Variants in AAK1 observed in about 807,000 individuals in gnomAD.
AAK1 encodes AP2-associated protein kinase 1.
In AAK1, 37 loss-of-function variants were observed where a neutral mutation model predicts 116.0. The ratio of observed to expected loss-of-function variants is 0.32; its 90% CI spans 0.25 to 0.42. AAK1 has a LOEUF of 0.42. Among genes scored for constraint, AAK1 ranks in the 10% least tolerant of loss-of-function variants. The pLI is 1.00. For synonymous variants in AAK1, 458 were observed against 439.9 expected (o/e 1.04, Z -0.51); for missense variants, 919 against 1,170.6 (o/e 0.79, Z 3.14).
At chr2:69,585,287 C>G (rs892608433) in intron 2 of AAK1, among the ~76,000 whole-genome samples, 14 of 152,012 alleles carry the variant, frequency 9.2e-5, no homozygotes, top group Admixed American at 9.2e-4. Context: ...GTTTCAAATC[C>G]CTGGCTTCAA....
chr2:69,476,816 G>A (rs1026291792), intron 21 of AAK1, 64 bp downstream of exon 21: 1 of 1,131,916 alleles, frequency 8.8e-7, no homozygotes. Flanking sequence ...TGCAGATTAG[G>A]TGCATGACTA....
intron 2 of AAK1, among the ~76,000 whole-genome samples, chr2:69,621,057 A>G (rs924910523): frequency 6.6e-6 from 1 of 152,164 alleles, no homozygotes; most frequent in Non-Finnish European, 1.5e-5. Flanking sequence ...TTGTATATAC[A>G]CTCATAGTAC....
At chr2:69,558,973 G>A (rs2105089883) in intron 2 of AAK1, among the ~76,000 whole-genome samples, 1 of 152,158 alleles carries the variant, frequency 6.6e-6, no homozygotes, top group East Asian at 1.9e-4. Context: ...ACCATAAAGA[G>A]CCTTTATCAT....
At chr2:69,580,989 AATG>A (rs1028391524) in intron 2 of AAK1, among the ~76,000 whole-genome samples, 9 of 148,770 alleles carry the variant, frequency 6.0e-5, no homozygotes, top group Admixed American at 4.0e-4. Context: ...AATTAATAAA[AATG>A]ATCTTTTTTT....
intron 2 of AAK1, among the ~76,000 whole-genome samples, chr2:69,586,102 G>T (rs74475769): frequency 1.3e-5 from 2 of 152,062 alleles, no homozygotes; most frequent in Non-Finnish European, 2.9e-5. Context: ...GAGATGAACC[G>T]GAGGATTATG....
Position 69,505,689 on chromosome 2 carries a change from A to G in AAK1, c.2165-16T>C, listed in dbSNP as rs1442017601. On this transcript the variant is annotated splice_polypyrimidine_tract_variant and intron_variant, in intron 15 of 21. Transcript: ENST00000409085. Reference sequence around the variant, plus strand: ...GGATGTTTGCCTGGAGAGACAAAACACCACTCAGTTCATTCTAGCAGAATC... The same window carrying G: ...GGATGTTTGCCTGGAGAGACAAAACGCCACTCAGTTCATTCTAGCAGAATC... The G allele has an allele frequency of 6.2e-7, 1 of 1,601,064 alleles. No individual in the cohort carries two copies. The highest frequency in any genetic ancestry group is 8.6e-7 in the Non-Finnish European group (1 of 1,168,928).
At chr2:69,573,701 C>T (rs2105125616) in intron 2 of AAK1, among the ~76,000 whole-genome samples, 1 of 152,224 alleles carries the variant, frequency 6.6e-6, no homozygotes, top group South Asian at 2.1e-4. Context: ...AAAGTATGTA[C>T]AAAAATAGTT....
rs2105085307 is a variant in AAK1 at position 69,556,985 on chromosome 2, G to C, written c.164-7C>G. ...AATACAATAGCAAATCCACCTGTGA[G>C]AGAAACACACACAAGCTCTTTTGAG... On this transcript the variant is annotated splice_polypyrimidine_tract_variant and splice_region_variant and intron_variant, in intron 2 of 21. Transcript: ENST00000409085. 6.3e-7 allele frequency: 1 copy of C among 1,598,388 alleles called. No homozygotes were observed. The highest frequency in any genetic ancestry group is 2.2e-5 in the East Asian group (1 of 44,792).
Position 69,466,845 on chromosome 2 carries a change from G to A in AAK1, c.*9024C>T. 1.0e-6 allele frequency: 1 copy of A among 985,414 alleles called. No homozygotes were observed. The highest frequency in any genetic ancestry group is 1.2e-6 in the Non-Finnish European group (1 of 829,940). 61.0% of individuals were successfully genotyped at this position (985,414 alleles called of 1,614,324 possible). ...TGCAATGCTCCTACACACAGGGCCA[G>A]GCACGGACACCTGCTCTACCTGGCA... On this transcript the variant is annotated 3_prime_UTR_variant, in exon 22 of 22. Transcript: ENST00000409085.
intron 2 of AAK1, among the ~76,000 whole-genome samples, chr2:69,596,716 C>T (rs1673307712): frequency 6.6e-6 from 1 of 152,206 alleles, no homozygotes; most frequent in Non-Finnish European, 1.5e-5. Context: ...AAACCTCAGG[C>T]AGTGGGCCTC....
At chr2:69,641,343 A>C (rs1160422915) in intron 2 of AAK1, among the ~76,000 whole-genome samples, 1 of 152,098 alleles carries the variant, frequency 6.6e-6, no homozygotes, top group Non-Finnish European at 1.5e-5. Flanking sequence ...ACCCCACTGC[A>C]GTTAAGGGCT....
chr2:69,571,864 C>A (rs1672106057), intron 2 of AAK1, among the ~76,000 whole-genome samples: 1 of 152,124 alleles, frequency 6.6e-6, no homozygotes, highest in Admixed American at 6.5e-5. Context: ...AGGACAGGAG[C>A]CAAGATCTCT....
Position 69,466,760 on chromosome 2 carries a change from AG to A in AAK1, c.*9108del. 1.0e-6 allele frequency: 1 copy of A among 985,448 alleles called. No homozygotes were observed. Among genetic ancestry groups the A allele is most frequent in the South Asian group, 4.7e-5 (1 of 21,286 alleles). The allele number at this position is 985,448 out of a possible 1,614,324, so 61.0% of individuals were successfully genotyped here. On this transcript the variant is annotated 3_prime_UTR_variant, in exon 22 of 22. Transcript: ENST00000409085. Reference sequence around the variant, plus strand: ...ACTGTCTCACGTTTTGGAACATGATAGGCACGACGTACAGGAAAGGAGATGA... The same window carrying A: ...ACTGTCTCACGTTTTGGAACATGATAGCACGACGTACAGGAAAGGAGATGA...
chr2:69,481,063 A>G, intron 18 of AAK1, 102 bp from the exon 19 acceptor site: 1 of 989,456 alleles, frequency 1.0e-6, no homozygotes, highest in East Asian at 2.8e-5. Flanking sequence ...TTTAATTCTC[A>G]TTTTTTGAGA....
chr2:69,596,201 G>A (rs1486887658), intron 2 of AAK1, among the ~76,000 whole-genome samples: 1 of 151,654 alleles, frequency 6.6e-6, no homozygotes, highest in Non-Finnish European at 1.5e-5. Context: ...TGTAGCTCAT[G>A]GATCAAGGAG....
rs752382624 is a variant in AAK1, at chr2:69,542,673, G to A, written c.392-8C>T. ...GGTTTACCACCTGGCCACCTGAGGG[G>A]GTACGTACAGGGCAAAGGAGACGTT... On this transcript the variant is annotated splice_region_variant and splice_polypyrimidine_tract_variant and intron_variant, in intron 4 of 21. Transcript: ENST00000409085. 1 of 1,613,194 alleles carries A rather than the reference G, an allele frequency of 6.2e-7. No homozygotes were observed. The highest frequency in any genetic ancestry group is 2.2e-5 in the East Asian group (1 of 44,874).
At chr2:69,482,343 ACT>A (rs1262230702) in intron 18 of AAK1, 1 of 500,506 alleles carries the variant, frequency 2.0e-6, no homozygotes, top group Non-Finnish European at 3.5e-6. Flanking sequence ...CAAGAGTGAA[ACT>A]CTGTCTCAAA....
At chr2:69,575,528 G>T (rs1672276835) in intron 2 of AAK1, among the ~76,000 whole-genome samples, 1 of 145,536 alleles carries the variant, frequency 6.9e-6, no homozygotes, top group Non-Finnish European at 1.5e-5. Context: ...GGAGTGCAAT[G>T]GCGCAATCTC....
At chr2:69,485,967 T>A (rs762594862) in intron 17 of AAK1, among the ~76,000 whole-genome samples, 17 of 151,900 alleles carry the variant, frequency 1.1e-4, no homozygotes, top group Non-Finnish European at 2.4e-4. Context: ...CCTTTTTTTT[T>A]TTTAAGAGAC....
Sources: allele counts gnomAD v4.1 joint callset (sites outside exome capture counted in the v4.1 genomes callset), GRCh38; gene constraint gnomAD v4.1.1; transcripts MANE v1.5; gene names NCBI Gene and HGNC (gene_info 2026-07-23, HGNC 2026-07-21).